Variants in RAD21L1 observed in about 807,000 individuals in gnomAD.
RAD21L1 encodes the protein RAD21 cohesin complex component like 1.
RAD21L1 carries 47 observed loss-of-function variants against 69.0 expected under a neutral mutation model. The ratio of observed to expected loss-of-function variants is 0.68; its 90% CI spans 0.54 to 0.87. The LOEUF is 0.87. RAD21L1 is among the 40% of genes least tolerant of loss of function. The probability of loss-of-function intolerance (pLI) is 0.00; values close to 1 mark genes in which losing one functional copy is unlikely to be tolerated. For synonymous variants in RAD21L1, 177 were observed against 205.8 expected, an observed-to-expected ratio of 0.86 and a Z score of 1.20; for missense variants, 583 against 647.6, an observed-to-expected ratio of 0.90 and a Z score of 1.08.
At chr20:1,235,918 C>A (rs2087485572) in intron 5 of RAD21L1, among the ~76,000 whole-genome samples, 1 of 152,112 alleles carries the variant, frequency 6.6e-6, no homozygotes, top group African/African-American at 2.4e-5. Context: ...CAGGCATGCA[C>A]CTCCGCACTC....
intron 5 of RAD21L1, among the ~76,000 whole-genome samples, chr20:1,235,088 G>A (rs1362247977): frequency 1.3e-5 from 2 of 152,074 alleles, no homozygotes; most frequent in African/African-American, 2.4e-5. Flanking sequence ...TAACTATAGA[G>A]TATTTGATCT....
In RAD21L1 at chr20:1,255,560, C is replaced by T. The variant is rs117253998; in HGVS notation, c.*1103C>T. Reference sequence around the variant, plus strand: ...CTATAAATTTTAAATGGCAAAATTGCCTTTTTAAAATTTCTTTTATTTTTT... The same window carrying T: ...CTATAAATTTTAAATGGCAAAATTGTCTTTTTAAAATTTCTTTTATTTTTT... On this transcript the variant is annotated 3_prime_UTR_variant, in exon 14 of 14. Transcript: ENST00000683101. Among the ~76,000 whole-genome samples the T allele has an allele frequency of 0.065, 9,816 of 152,100 alleles. 446 individuals carry two copies. Among genetic ancestry groups the T allele is most frequent in the Admixed American group, 0.12 (1,834 of 15,280 alleles).
chr20:1,232,537 G>A (rs966739099), intron 4 of RAD21L1, among the ~76,000 whole-genome samples: 3 of 152,208 alleles, frequency 2.0e-5, no homozygotes, highest in African/African-American at 7.2e-5. Context: ...TCTGGAAAGC[G>A]AAGCCAGGAG....
At chr20:1,227,170 C>T (rs1464995209) in intron 1 of RAD21L1, among the ~76,000 whole-genome samples, 2 of 152,252 alleles carry the variant, frequency 1.3e-5, no homozygotes, top group African/African-American at 2.4e-5. Flanking sequence ...CTCAGCCTCC[C>T]ACAGTGCTGG....
chr20:1,228,288 G>A, intron 1 of RAD21L1, 134 bp from the exon 2 acceptor site: 1 of 463,454 alleles, frequency 2.2e-6, no homozygotes, highest in South Asian at 5.2e-5. Flanking sequence ...TTATTTACAA[G>A]AGAATAAATT....
intron 1 of RAD21L1, among the ~76,000 whole-genome samples, chr20:1,226,656 C>T (rs2122747190): frequency 6.6e-6 from 1 of 152,056 alleles, no homozygotes; most frequent in East Asian, 1.9e-4. Context: ...CTGCCCTTTG[C>T]GGGCCGGTTT....
rs203530 is a variant in RAD21L1 at position 1,251,720 on chromosome 20, C to G, written c.1480-2549C>G. Among the ~76,000 whole-genome samples the G allele has an allele frequency of 5.3e-5, 8 of 151,920 alleles. 1 individual carries two copies. The highest frequency in any genetic ancestry group is 4.6e-4 in the Admixed American group (7 of 15,252). ...CTCTAGATTTCTTCAACTTTGTCTT[C>G]TAGACTTTACTGAATTTTTATATCT... On this transcript the variant is annotated intron_variant, in intron 13 of 13. Coordinates refer to ENST00000683101, the MANE Select transcript of RAD21L1 (RefSeq NM_001384355.1).
At chr20:1,241,007 T>G (rs986480848) in intron 8 of RAD21L1, among the ~76,000 whole-genome samples, 1 of 152,206 alleles carries the variant, frequency 6.6e-6, no homozygotes, top group Non-Finnish European at 1.5e-5. Context: ...TGAATTCTTT[T>G]CCTGGACAAA....
At chr20:1,243,034 G>A in intron 9 of RAD21L1, 63 bp from the exon 10 acceptor site, 1 of 1,062,990 alleles carries the variant, frequency 9.4e-7, no homozygotes, top group Non-Finnish European at 1.4e-6. Context: ...ATATGTGCTT[G>A]TGTTTTCTTG....
intron 2 of RAD21L1, among the ~76,000 whole-genome samples, chr20:1,229,348 T>C (rs74559766): frequency 0.061 from 9,246 of 152,208 alleles, 388 homozygotes; most frequent in South Asian, 0.1. Flanking sequence ...TTAAATAAAT[T>C]AGTGTATCAA....
rs1039547973 is a variant in RAD21L1 at position 1,228,402 on chromosome 20, T to C, written c.-32-20T>C. 2.4e-5 allele frequency: 32 copies of C among 1,319,696 alleles called. No homozygotes were observed. Among genetic ancestry groups the C allele is most frequent in the African/African-American group, 3.1e-5 (2 of 65,338 alleles). The allele number at this position is 1,319,696 out of a possible 1,614,324, so 81.7% of individuals were successfully genotyped here. On this transcript the variant is annotated intron_variant, in intron 1 of 13. Transcript: ENST00000683101. The stretch of plus-strand genomic sequence containing the variant: ...AGTTTTTGTAATAAAATTTTAAATT[T>C]CTTTTCGTGTTCTCTCTAGTTTGTT...
At chr20:1,244,218 A>G in intron 11 of RAD21L1, 48 bp downstream of exon 11, 1 of 1,300,924 alleles carries the variant, frequency 7.7e-7, no homozygotes, top group Middle Eastern at 1.9e-4. Flanking sequence ...TTCTACAGAT[A>G]CAGTAAAGGA....
At chr20:1,240,043 ACT>A (rs1017001400) in intron 7 of RAD21L1, among the ~76,000 whole-genome samples, 32 of 152,292 alleles carry the variant, frequency 2.1e-4, no homozygotes, top group African/African-American at 7.7e-4. Flanking sequence ...AGTTGCTGCC[ACT>A]GTTTTCACAT....
At chr20:1,230,621 A>G (rs1039102038) in intron 3 of RAD21L1, 2 of 327,262 alleles carry the variant, frequency 6.1e-6, no homozygotes, top group Non-Finnish European at 8.8e-6. Flanking sequence ...GGTCTTTGTC[A>G]TAATTATTTT....
At position 1,228,577 on chromosome 20, in the gene RAD21L1, G is replaced by A. The variant is rs267605837; in HGVS notation, c.124G>A (p.Glu42Lys). 5.2e-6 allele frequency: 8 copies of A among 1,541,434 alleles called. No individual in the cohort carries two copies. In the East Asian group the frequency reaches 1.7e-4, roughly 33 times the overall value. The change falls in exon 2 of 14, where the codon GAA (glutamate) becomes AAA (lysine). Residue 42 changes from glutamate to lysine, a missense_variant. By Grantham distance (56) the Glu-to-Lys change is moderately conservative. Transcript: ENST00000683101. ...TGAATGTAATCTAGAGATAACCATT[G>A]AAAAAATTCTTTCACCCAAGGTATG... ...VFECNLEITI[E>K]KILSPKVKIA...
intron 11 of RAD21L1, among the ~76,000 whole-genome samples, chr20:1,245,791 C>T (rs190243187): frequency 6.6e-6 from 1 of 152,102 alleles, no homozygotes; most frequent in South Asian, 2.1e-4. Context: ...TCCTCACTCT[C>T]ACTCCCTCTC....
intron 6 of RAD21L1, 105 bp from the exon 7 acceptor site, chr20:1,239,207 G>T (rs183735007): frequency 9.3e-6 from 6 of 642,298 alleles, no homozygotes; most frequent in South Asian, 2.0e-5. Context: ...TTAAAGATCT[G>T]GTTATTCCTT....
intron 4 of RAD21L1, 40 bp downstream of exon 4, chr20:1,231,659 T>C: frequency 9.6e-7 from 1 of 1,044,006 alleles, no homozygotes; most frequent in East Asian, 2.6e-5. Context: ...TTAATTTTCT[T>C]GATATTTGTT....
chr20:1,251,788 C>T (rs1381191381), intron 13 of RAD21L1, among the ~76,000 whole-genome samples: 5 of 151,806 alleles, frequency 3.3e-5, no homozygotes, highest in African/African-American at 1.2e-4. Context: ...TTCTTGGTTA[C>T]TAACTATTCT....
Sources: allele counts gnomAD v4.1 joint callset (sites outside exome capture counted in the v4.1 genomes callset), GRCh38; gene constraint gnomAD v4.1.1; transcripts MANE v1.5; gene names NCBI Gene and HGNC (gene_info 2026-07-23, HGNC 2026-07-21).